Variants in PDE3A observed in about 807,000 individuals in gnomAD.
The protein encoded by PDE3A is cGMP-inhibited 3',5'-cyclic phosphodiesterase 3A.
PDE3A carries 43 observed loss-of-function variants against 98.3 expected under a neutral mutation model. The ratio of observed to expected loss-of-function variants is 0.44; its 90% CI spans 0.34 to 0.56. The LOEUF (loss-of-function observed/expected upper bound fraction) is 0.56, where lower values mean the gene tolerates loss of function less well. PDE3A is among the 20% of genes least tolerant of loss of function. The pLI is 0.01. For missense variants in PDE3A, 1,427 were observed against 1,440.7 expected, an observed-to-expected ratio of 0.99 and a Z score of 0.15; for synonymous variants, 663 against 567.9, an observed-to-expected ratio of 1.17 and a Z score of -2.38.
At chr12:20,385,993 AAAATATATATATAAATATATAT>A (rs1565532292) in intron 1 of PDE3A, among the ~76,000 whole-genome samples, 2 of 105,020 alleles carry the variant, frequency 1.9e-5, no homozygotes, top group Non-Finnish European at 3.4e-5. Context: ...TAATATATAT[AAAATATATATATAAATATATAT>A]AAAATATATA....
intron 15 of PDE3A, among the ~76,000 whole-genome samples, chr12:20,665,902 G>A (rs577606386): frequency 6.7e-6 from 1 of 149,950 alleles, no homozygotes; most frequent in East Asian, 2.0e-4. Flanking sequence ...TTCATCAAAT[G>A]TGTAATGATT....
intron 1 of PDE3A, among the ~76,000 whole-genome samples, chr12:20,550,310 A>G (rs1942164223): frequency 6.6e-6 from 1 of 152,158 alleles, no homozygotes; most frequent in Non-Finnish European, 1.5e-5. Flanking sequence ...TTGATAAATC[A>G]TTTCACTAGA....
intron 2 of PDE3A, among the ~76,000 whole-genome samples, chr12:20,597,723 TA>T (rs1444892073): frequency 6.6e-5 from 10 of 152,214 alleles, no homozygotes; most frequent in Non-Finnish European, 1.3e-4. Context: ...CTTTATCCTC[TA>T]ACCCCTTTCA....
intron 1 of PDE3A, among the ~76,000 whole-genome samples, chr12:20,455,838 G>C (rs1945143721): frequency 6.6e-6 from 1 of 152,106 alleles, no homozygotes; most frequent in Non-Finnish European, 1.5e-5. Flanking sequence ...AATCCATTCA[G>C]ATAACTCCTC....
chr12:20,540,456 G>T (rs1400068654), intron 1 of PDE3A, among the ~76,000 whole-genome samples: 6 of 152,084 alleles, frequency 3.9e-5, no homozygotes, highest in African/African-American at 1.4e-4. Context: ...AGTTGGATTT[G>T]CCATCTTCTG....
intron 2 of PDE3A, among the ~76,000 whole-genome samples, chr12:20,604,123 C>T (rs1014789470): frequency 6.6e-6 from 1 of 150,758 alleles, no homozygotes; most frequent in East Asian, 2.0e-4. Context: ...GAGCTGAGAT[C>T]GTGCCACTGC....
At chr12:20,445,945 C>T (rs770335006) in intron 1 of PDE3A, among the ~76,000 whole-genome samples, 8 of 152,150 alleles carry the variant, frequency 5.3e-5, no homozygotes, top group African/African-American at 1.9e-4. Flanking sequence ...TGACTGACTC[C>T]TTCCTTTCAC....
At chr12:20,572,093 T>G in intron 2 of PDE3A, 1 of 1,252,002 alleles carries the variant, frequency 8.0e-7, no homozygotes, top group South Asian at 1.4e-5. Flanking sequence ...TAACAGAATC[T>G]GAACTTTAAA....
intron 5 of PDE3A, among the ~76,000 whole-genome samples, chr12:20,624,194 CA>C (rs1944204804): frequency 6.6e-6 from 1 of 152,086 alleles, no homozygotes; most frequent in African/African-American, 2.4e-5. Context: ...ATGAGGATGA[CA>C]AATTGTCATA....
At chr12:20,427,000 A>G (rs1291670348) in intron 1 of PDE3A, among the ~76,000 whole-genome samples, 2 of 152,206 alleles carry the variant, frequency 1.3e-5, no homozygotes, top group Non-Finnish European at 2.9e-5. Context: ...CTAAAAGTCT[A>G]TATAATTGGT....
intron 1 of PDE3A, among the ~76,000 whole-genome samples, chr12:20,383,825 C>T (rs1339787536): frequency 6.6e-6 from 1 of 151,934 alleles, no homozygotes; most frequent in Non-Finnish European, 1.5e-5. Context: ...CGTTCTGAGG[C>T]AGATGGGATA....
intron 15 of PDE3A, among the ~76,000 whole-genome samples, chr12:20,658,658 T>C (rs1945094052): frequency 6.6e-6 from 1 of 152,220 alleles, no homozygotes; most frequent in African/African-American, 2.4e-5. Flanking sequence ...CTTACTAAAG[T>C]TAGGCTCCTA....
At chr12:20,474,734 C>T (rs1945498673) in intron 1 of PDE3A, among the ~76,000 whole-genome samples, 1 of 152,190 alleles carries the variant, frequency 6.6e-6, no homozygotes, top group Admixed American at 6.5e-5. Context: ...ATTGCCTCGA[C>T]TGCTGCTGTC....
intron 2 of PDE3A, among the ~76,000 whole-genome samples, chr12:20,578,109 T>G (rs987542872): frequency 6.6e-6 from 1 of 152,212 alleles, no homozygotes; most frequent in Admixed American, 6.5e-5. Context: ...GGTTTCACTT[T>G]GTCTCTAGGA....
chr12:20,376,412 C>T lies in PDE3A; in HGVS notation c.960+6168C>T, dbSNP rs566612451. On this transcript the variant is annotated intron_variant, in intron 1 of 15. Transcript: ENST00000359062. The stretch of plus-strand genomic sequence containing the variant: ...TCATTTGTAATTTTTCCCATGGAGC[C>T]AACTCTAAATTCTCATTCAGCATTA... 4.6e-5 allele frequency among the ~76,000 whole-genome samples: 7 copies of T among 151,922 alleles called. No homozygotes were observed. In the South Asian group the frequency reaches 1.2e-3, roughly 27 times the overall value.
intron 1 of PDE3A, among the ~76,000 whole-genome samples, chr12:20,412,678 C>A (rs963538558): frequency 1.2e-4 from 18 of 152,076 alleles, no homozygotes; most frequent in African/African-American, 4.3e-4. Flanking sequence ...ATTGTTTAGC[C>A]CTATTTTTTC....
intron 1 of PDE3A, among the ~76,000 whole-genome samples, chr12:20,409,278 T>C (rs931507716): frequency 6.6e-6 from 1 of 152,200 alleles, no homozygotes; most frequent in Non-Finnish European, 1.5e-5. Flanking sequence ...TAGTCTTGAA[T>C]AGGTTTTACT....
At chr12:20,676,788 C>T (rs772057747) in intron 15 of PDE3A, among the ~76,000 whole-genome samples, 5 of 152,086 alleles carry the variant, frequency 3.3e-5, no homozygotes, top group Non-Finnish European at 7.4e-5. Flanking sequence ...CGTGAGCCAC[C>T]GCACCCAGCC....
chr12:20,566,311 G>T (rs1408630014), intron 2 of PDE3A, among the ~76,000 whole-genome samples: 1 of 151,806 alleles, frequency 6.6e-6, no homozygotes, highest in Non-Finnish European at 1.5e-5. Context: ...AAATCTGCAG[G>T]TTATCAAACT....
Sources: gnomAD v4.1 joint callset for allele counts (sites outside exome capture counted in the v4.1 genomes callset) on GRCh38, gnomAD v4.1.1 for gene constraint, MANE v1.5 for transcripts, NCBI Gene and HGNC (gene_info 2026-07-23, HGNC 2026-07-21) for gene names.